The following UBN2 variants were observed in gnomAD, a reference collection of about 807,000 sequenced individuals.
UBN2 encodes the protein ubinuclein 2, also known as ubinuclein-2.
A neutral mutation model predicts 120.2 loss-of-function variants in UBN2; 35 were observed. The ratio of observed to expected loss-of-function variants is 0.29; its 90% CI spans 0.22 to 0.39. UBN2 has a LOEUF of 0.39. Ranked by LOEUF, UBN2 falls within the 10% of genes least tolerant of loss-of-function variation. The probability of loss-of-function intolerance (pLI) is 1.00; values close to 1 mark genes in which losing one functional copy is unlikely to be tolerated. For synonymous variants in UBN2, 661 were observed against 648.7 expected, an observed-to-expected ratio of 1.02 and a Z score of -0.29; for missense variants, 1,693 against 1,663.2, an observed-to-expected ratio of 1.02 and a Z score of -0.31.
intron 4 of UBN2, among the ~76,000 whole-genome samples, 172 bp downstream of exon 4, chr7:139,258,797 G>A (rs1364412124): frequency 6.6e-6 from 1 of 151,754 alleles, no homozygotes; most frequent in Admixed American, 6.6e-5. Context: ...TGGAAAATTG[G>A]TATTTACATC....
intron 1 of UBN2, among the ~76,000 whole-genome samples, chr7:139,232,299 C>T (rs970827722): frequency 6.6e-6 from 1 of 152,252 alleles, no homozygotes; most frequent in Non-Finnish European, 1.5e-5. Flanking sequence ...GGCCGTGTGG[C>T]TGGGTTCTCC....
intron 1 of UBN2, among the ~76,000 whole-genome samples, chr7:139,235,359 T>C (rs1796136210): frequency 6.6e-6 from 1 of 152,142 alleles, no homozygotes; most frequent in Non-Finnish European, 1.5e-5. Flanking sequence ...TTTTGGATCA[T>C]GTTTATGTTT....
chr7:139,255,193 T>A (rs1392047286), intron 3 of UBN2, among the ~76,000 whole-genome samples: 1 of 152,192 alleles, frequency 6.6e-6, no homozygotes, highest in Non-Finnish European at 1.5e-5. Flanking sequence ...ATAGAGAAAA[T>A]CATATAGTAT....
At chr7:139,280,258 G>A (rs764158229) in intron 13 of UBN2, among the ~76,000 whole-genome samples, 29 of 151,990 alleles carry the variant, frequency 1.9e-4, no homozygotes, top group Non-Finnish European at 3.8e-4. Context: ...TCCCTAAGAC[G>A]GACAAGTAGT....
intron 2 of UBN2, among the ~76,000 whole-genome samples, chr7:139,242,675 C>G (rs1253073536): frequency 1.3e-5 from 2 of 152,152 alleles, no homozygotes; most frequent in Non-Finnish European, 2.9e-5. Flanking sequence ...TCCTTGGCCT[C>G]TTTGAATTGA....
chr7:139,290,091 G>T (rs1483984676), intron 15 of UBN2, among the ~76,000 whole-genome samples: 1 of 151,974 alleles, frequency 6.6e-6, no homozygotes, highest in Non-Finnish European at 1.5e-5. Context: ...ATTAATTATT[G>T]TAATTTTGTA....
At chr7:139,242,893 G>T (rs763782531) in intron 2 of UBN2, among the ~76,000 whole-genome samples, 10 of 152,328 alleles carry the variant, frequency 6.6e-5, no homozygotes, top group Non-Finnish European at 1.3e-4. Context: ...AATGGGCACA[G>T]ATGTAAAGAG....
In UBN2 at chr7:139,298,166, A is replaced by C; in HGVS notation, c.*330A>C. 1 of 273,722 alleles carries C rather than the reference A, an allele frequency of 3.7e-6. No homozygotes were observed. The highest frequency in any genetic ancestry group is 6.9e-6 in the Non-Finnish European group (1 of 144,746). 17.0% of individuals were successfully genotyped at this position (273,722 alleles called of 1,614,324 possible). A position where few individuals can be genotyped will look rare whatever the true frequency, so the allele number is the denominator to read the frequency against. ...TCCCGGGGGAGGAAGAAGGAAGTGA[A>C]GAGAATTTGGGTAAACTCCATCCAT... On this transcript the variant is annotated 3_prime_UTR_variant, in exon 18 of 18. Transcript: ENST00000473989.
chr7:139,238,723 A>C (rs1796230624), intron 2 of UBN2, among the ~76,000 whole-genome samples: 1 of 152,192 alleles, frequency 6.6e-6, no homozygotes, highest in Non-Finnish European at 1.5e-5. Flanking sequence ...GGCCTGGCCA[A>C]GGGTACAGTT....
At chr7:139,312,447 T>C (rs1798461013), downstream of UBN2, among the ~76,000 whole-genome samples, 1 of 152,230 alleles carries the variant, frequency 6.6e-6, no homozygotes, top group Admixed American at 6.5e-5. Flanking sequence ...AGTGGGTAAC[T>C]AGGTTATCTT....
chr7:139,252,395 A>G (rs1796646573), intron 3 of UBN2, among the ~76,000 whole-genome samples: 1 of 152,214 alleles, frequency 6.6e-6, no homozygotes, highest in Non-Finnish European at 1.5e-5. Flanking sequence ...CCATTGTAGC[A>G]TGAGAGCAGC....
chr7:139,259,140 C>T lies in UBN2; in HGVS notation c.802-127C>T, dbSNP rs561612567. The T allele has an allele frequency of 3.3e-5, 45 of 1,369,340 alleles. No homozygotes were observed. In the South Asian group the frequency reaches 7.0e-4, roughly 21 times the overall value. The allele number at this position is 1,369,340 out of a possible 1,614,324, so 84.8% of individuals were successfully genotyped here. A position where few individuals can be genotyped will look rare whatever the true frequency, so the allele number is the denominator to read the frequency against. On this transcript the variant is annotated intron_variant, in intron 4 of 17. Transcript: ENST00000473989. ...AGTGCTCTTGAACCCCAAGGATCTG[C>T]AGTTATAACAAACGATTGTAATGCA...
At chr7:139,282,147 C>G in intron 14 of UBN2, 92 bp downstream of exon 14, 1 of 1,110,714 alleles carries the variant, frequency 9.0e-7, no homozygotes, top group Non-Finnish European at 1.3e-6. Context: ...GACTTTGATA[C>G]GACTTTTATG....
chr7:139,266,743 C>T (rs2130995503), intron 7 of UBN2, among the ~76,000 whole-genome samples: 1 of 152,252 alleles, frequency 6.6e-6, no homozygotes, highest in South Asian at 2.1e-4. Context: ...ACAGATTTGG[C>T]ATGATTTTCC....
the UBN2 span, among the ~76,000 whole-genome samples, chr7:139,324,366 G>C: frequency 3.3e-5 from 5 of 150,114 alleles, no homozygotes; most frequent in Admixed American, 2.0e-4. Context: ...TCAGGAGATC[G>C]AGACCACGGT....
At chr7:139,285,954 A>C (rs1349483192) in intron 15 of UBN2, among the ~76,000 whole-genome samples, 1 of 151,660 alleles carries the variant, frequency 6.6e-6, no homozygotes, top group African/African-American at 2.4e-5. Context: ...TTTGAGACGG[A>C]GTCTTCTCTG....
Position 139,261,493 on chromosome 7 carries a change from A to G in UBN2, c.1147A>G (p.Ile383Val). The G allele has an allele frequency of 2.5e-6, 4 of 1,614,162 alleles. No individual in the cohort carries two copies. Among genetic ancestry groups the G allele is most frequent in the Non-Finnish European group, 3.4e-6 (4 of 1,180,024 alleles). Residue 383 changes from isoleucine to valine, a missense_variant, in exon 6 of 18, where the codon ATT (isoleucine) becomes GTT (valine). Around this residue, in one of 5 missense-constraint regions of UBN2, gnomAD observed 663 missense variants for 591.2 expected, o/e 1.12. Transcript: ENST00000473989. The stretch of plus-strand genomic sequence containing the variant: ...GAGCAGCGGTGATCCAGACCTTCCC[A>G]TTTTTGTTAGCACAAATGAACATGA... ...NLSSGDPDLP[I>V]FVSTNEHELF...
intron 8 of UBN2, among the ~76,000 whole-genome samples, chr7:139,269,831 G>A (rs1164361301): frequency 6.6e-6 from 1 of 151,912 alleles, no homozygotes; most frequent in Non-Finnish European, 1.5e-5. Flanking sequence ...TTTTGATACG[G>A]GGTCTTGCCC....
At chr7:139,323,725 G>A in the UBN2 span, among the ~76,000 whole-genome samples, 1 of 151,948 alleles carries the variant, frequency 6.6e-6, no homozygotes, top group African/African-American at 2.4e-5. Flanking sequence ...GAGTAGCTGG[G>A]ATTACAGGCG....
Sources: allele counts gnomAD v4.1 joint callset (sites outside exome capture counted in the v4.1 genomes callset), GRCh38; gene constraint gnomAD v4.1.1; regional missense constraint gnomAD v4.1.1; transcripts MANE v1.5; gene names NCBI Gene and HGNC (gene_info 2026-07-23, HGNC 2026-07-21).